The following SPTY2D1 variants were observed in gnomAD, a reference collection of about 807,000 sequenced individuals.
SPTY2D1 encodes the protein protein SPT2 homolog.
SPTY2D1 carries 21 observed loss-of-function variants against 64.0 expected under a neutral mutation model. The ratio of observed to expected loss-of-function variants is 0.33; its 90% CI spans 0.23 to 0.47. The LOEUF is 0.47. Ranked by LOEUF, SPTY2D1 falls within the 20% of genes least tolerant of loss-of-function variation. The probability of loss-of-function intolerance (pLI) is 1.00; values close to 1 mark genes in which losing one functional copy is unlikely to be tolerated. For synonymous variants in SPTY2D1, 287 were observed against 286.8 expected, an observed-to-expected ratio of 1.00 and a Z score of -0.01; for missense variants, 724 against 837.2, an observed-to-expected ratio of 0.86 and a Z score of 1.67.
At chr11:18,618,971 A>G (rs1305471376) in intron 1 of SPTY2D1, among the ~76,000 whole-genome samples, 1 of 152,226 alleles carries the variant, frequency 6.6e-6, no homozygotes, top group East Asian at 1.9e-4. Flanking sequence ...GCTAGGCCAT[A>G]GTGAGATCCT....
intron 1 of SPTY2D1, among the ~76,000 whole-genome samples, chr11:18,626,257 T>TC (rs1316911000): frequency 2.6e-5 from 4 of 152,160 alleles, no homozygotes; most frequent in Non-Finnish European, 5.9e-5. Flanking sequence ...TATCTTATCC[T>TC]CCCTCACCTT....
Position 18,609,741 on chromosome 11 carries a change from A to T in SPTY2D1, c.*120T>A, listed in dbSNP as rs1284366550. ...TGACAGCCTGCAAATGACAGTATGCATTCCTTCTCCTTGAGTACCCAAGTA... is the reference window on the plus strand; with the variant it reads ...TGACAGCCTGCAAATGACAGTATGCTTTCCTTCTCCTTGAGTACCCAAGTA... On this transcript the variant is annotated 3_prime_UTR_variant, in exon 6 of 6. Transcript: ENST00000336349. 1.3e-6 allele frequency: 1 copy of T among 794,112 alleles called. No homozygotes were observed. The highest frequency in any genetic ancestry group is 1.7e-5 in the South Asian group (1 of 59,760). The allele number at this position is 794,112 out of a possible 1,614,324, so 49.2% of individuals were successfully genotyped here.
At chr11:18,623,710 C>G (rs985692353) in intron 1 of SPTY2D1, among the ~76,000 whole-genome samples, 12 of 152,218 alleles carry the variant, frequency 7.9e-5, no homozygotes, top group Non-Finnish European at 1.5e-4. Context: ...GATTTTCCAG[C>G]CTGCTGGCCT....
intron 1 of SPTY2D1, among the ~76,000 whole-genome samples, chr11:18,617,797 C>G (rs985651050): frequency 7.9e-5 from 12 of 151,712 alleles, no homozygotes; most frequent in Admixed American, 7.2e-4. Flanking sequence ...CAAAAATTAG[C>G]CGGGCATGGT....
intron 1 of SPTY2D1, among the ~76,000 whole-genome samples, chr11:18,621,841 C>T (rs1208368723): frequency 6.6e-6 from 1 of 152,026 alleles, no homozygotes; most frequent in Non-Finnish European, 1.5e-5. Flanking sequence ...AATTCCAGCA[C>T]TTTGGGAGGC....
chr11:18,631,318 AC>A (rs1447314441), intron 1 of SPTY2D1, among the ~76,000 whole-genome samples: 1 of 152,146 alleles, frequency 6.6e-6, no homozygotes, highest in Non-Finnish European at 1.5e-5. Context: ...TCACACCTGT[AC>A]TCACAGCAGT....
intron 1 of SPTY2D1, among the ~76,000 whole-genome samples, chr11:18,629,163 G>A (rs1854545805): frequency 6.6e-6 from 1 of 152,196 alleles, no homozygotes; most frequent in Admixed American, 6.5e-5. Flanking sequence ...CTCACTGGGA[G>A]AAAGACCATA....
In SPTY2D1 at chr11:18,612,988, T is replaced by A. The variant is rs539832833; in HGVS notation, c.1712-500A>T. Among the ~76,000 whole-genome samples, 39 of 152,282 alleles carry A rather than the reference T, an allele frequency of 2.6e-4. No individual in the cohort carries two copies. The South Asian group carries it at 2.9e-3, about 11-fold the overall frequency. On this transcript the variant is annotated intron_variant, in intron 3 of 5. Coordinates refer to ENST00000336349, the MANE Select transcript of SPTY2D1 (RefSeq NM_194285.3). This position sits in a 1 kb window ranked among gnomAD's most constrained non-coding sequence, Gnocchi z 4.6. ...CACGTTGGTCAGGCTGGTCTCGAAC[T>A]CCCGACCTCAGGTGATCTGTCTGCC...
In SPTY2D1 at chr11:18,621,277, T is replaced by C. The variant is rs540529807; in HGVS notation, c.61-4288A>G. Among the ~76,000 whole-genome samples the C allele has an allele frequency of 4.0e-3, 603 of 150,258 alleles. 6 individuals are homozygous for C. Among genetic ancestry groups the C allele is most frequent in the South Asian group, 0.015 (70 of 4,754 alleles). On this transcript the variant is annotated intron_variant, in intron 1 of 5. Transcript: ENST00000336349. ...CACCACTGCACTTCAGCCTGGGTGA[T>C]TGTACTCTACCCTGGGTGAGAAGAG... is the stretch of plus-strand genomic sequence containing the variant.
At position 18,612,769 on chromosome 11, in the gene SPTY2D1, CTTTTTTT is replaced by C. The variant is rs749489129; in HGVS notation, c.1712-288_1712-282del. Among the ~76,000 whole-genome samples the C allele has an allele frequency of 7.0e-6, 1 of 143,058 alleles. No homozygotes were observed. Among genetic ancestry groups the C allele is most frequent in the African/African-American group, 2.5e-5 (1 of 39,308 alleles). The allele number at this position is 143,058 out of a possible 152,430, so 93.9% of individuals were successfully genotyped here. On this transcript the variant is annotated intron_variant, in intron 3 of 5. Transcript: ENST00000336349. This position sits in a 1 kb window ranked among gnomAD's most constrained non-coding sequence, Gnocchi z 4.6. ...TAAGATCAGTAAAATTTCTTTCTTT[CTTTTTTT>C]TTTTTTTGAGACAGAGTTTCACTTG...
In SPTY2D1 at chr11:18,615,557, G is replaced by A. The variant is rs754641557; in HGVS notation, c.717C>T (p.Gly239=). The change falls in exon 3 of 6, where the codon GGC becomes GGT. Residue 239 remains glycine, a synonymous_variant. Coordinates refer to ENST00000336349, the MANE Select transcript of SPTY2D1 (RefSeq NM_194285.3). ...KKAPSQKESV[G]TKLSKGSGDR... ...CTCCAGAACCTTTGCTAAGTTTTGTGCCCACACTTTCTTTCTGAGAGGGTG... is the reference window on the plus strand; with the variant it reads ...CTCCAGAACCTTTGCTAAGTTTTGTACCCACACTTTCTTTCTGAGAGGGTG... 2 of 1,614,084 alleles carry A rather than the reference G, an allele frequency of 1.2e-6. No homozygotes were observed. Among genetic ancestry groups the A allele is most frequent in the Non-Finnish European group, 8.5e-7 (1 of 1,180,038 alleles).
Position 18,609,622 on chromosome 11 carries a change from G to C in SPTY2D1, c.*239C>G. On this transcript the variant is annotated 3_prime_UTR_variant, in exon 6 of 6. Transcript: ENST00000336349. ...CATCAGGATCAAGGCTGGCATCTGTGAACAGTTAACTTCATAAGAGCACAA... is the reference window on the plus strand; with the variant it reads ...CATCAGGATCAAGGCTGGCATCTGTCAACAGTTAACTTCATAAGAGCACAA... 1 of 513,872 alleles carries C rather than the reference G, an allele frequency of 1.9e-6. No homozygotes were observed. The allele number at this position is 513,872 out of a possible 1,614,324, so 31.8% of individuals were successfully genotyped here.
At chr11:18,618,443 GA>G (rs1468413696) in intron 1 of SPTY2D1, among the ~76,000 whole-genome samples, 1 of 152,070 alleles carries the variant, frequency 6.6e-6, no homozygotes, top group African/African-American at 2.4e-5. Flanking sequence ...ACTATAAAAG[GA>G]AAAATATTTC....
rs781745128 is a variant in SPTY2D1, at chr11:18,614,978, T to C, written c.1296A>G (p.Thr432=). 1.9e-6 allele frequency: 3 copies of C among 1,614,070 alleles called. No individual in the cohort carries two copies. Among genetic ancestry groups the C allele is most frequent in the African/African-American group, 2.7e-5 (2 of 74,954 alleles). ...TGCTTGCAGGTTGTCCAGGGCCACA[T>C]GTACCACTGACTGTCCGCCTAGAGG... ...SNPSRRTVSG[T]CGPGQPASSS... is the part of the protein sequence containing the mutation. Residue 432 remains threonine, a synonymous_variant, in exon 3 of 6, where the codon ACA becomes ACG. Coordinates refer to ENST00000336349, the MANE Select transcript of SPTY2D1 (RefSeq NM_194285.3).
intron 1 of SPTY2D1, among the ~76,000 whole-genome samples, chr11:18,631,038 C>A (rs563783493): frequency 6.6e-6 from 1 of 152,216 alleles, no homozygotes; most frequent in East Asian, 1.9e-4. Flanking sequence ...GGGGTTTCAC[C>A]ACATTGGCCA....
In SPTY2D1 at chr11:18,612,692, GA is replaced by G; in HGVS notation, c.1712-205del. The stretch of plus-strand genomic sequence containing the variant: ...TCCTGTTTTATCCCAGGGCTTACCA[GA>G]AATATCTTGTTACATTTTCTAGCTT... On this transcript the variant is annotated intron_variant, in intron 3 of 5. Transcript: ENST00000336349. This position sits in a 1 kb window ranked among gnomAD's most constrained non-coding sequence, Gnocchi z 4.6. Among the ~76,000 whole-genome samples, 1 of 151,856 alleles carries G rather than the reference GA, an allele frequency of 6.6e-6. No homozygotes were observed. Among genetic ancestry groups the G allele is most frequent in the East Asian group, 1.9e-4 (1 of 5,192 alleles).
In SPTY2D1 at chr11:18,634,221, C is replaced by T. The variant is rs1425648260; in HGVS notation, c.37G>A (p.Gly13Arg). The T allele has an allele frequency of 8.1e-6, 13 of 1,614,074 alleles. No homozygotes were observed. Among genetic ancestry groups the T allele is most frequent in the East Asian group, 2.2e-5 (1 of 44,884 alleles). ...ACCGGCACATTGTTGACACCTTGTC[C>T]CTTGGAAGCTATCATGAGAATTTCT... ...FREILMIASK[G>R]QGVNNVPKRY... The change falls in exon 1 of 6, where the codon GGA becomes AGA. Residue 13 changes from glycine (G) to arginine (R), a missense_variant. Physicochemically the swap from Gly to Arg is moderately radical, Grantham distance 125 (BLOSUM62 -2). Transcript: ENST00000336349.
chr11:18,613,184 T>A (rs1854235084), intron 3 of SPTY2D1, among the ~76,000 whole-genome samples: 1 of 152,212 alleles, frequency 6.6e-6, no homozygotes, highest in African/African-American at 2.4e-5. Context: ...ATTTAAAAAT[T>A]TAAAGTTGAA....
At chr11:18,611,391 C>G (rs571256654) in intron 5 of SPTY2D1, 86 bp downstream of exon 5, 394 of 1,251,992 alleles carry the variant, frequency 3.1e-4, no homozygotes, top group Non-Finnish European at 4.3e-4. Context: ...GCCCAAAGCC[C>G]CAGTTCCCAA....
Sources: allele counts gnomAD v4.1 joint callset (sites outside exome capture counted in the v4.1 genomes callset), GRCh38; gene constraint gnomAD v4.1.1; non-coding constraint Gnocchi (gnomAD v3.1); transcripts MANE v1.5; gene names NCBI Gene and HGNC (gene_info 2026-07-23, HGNC 2026-07-21).